SMAP2: variants seen among roughly 807,000 people sequenced by gnomAD.
The protein encoded by SMAP2 is small ArfGAP2, also known as stromal membrane-associated protein 2.
SMAP2 carries 25 observed loss-of-function variants against 56.4 expected under a neutral mutation model. The ratio of observed to expected loss-of-function variants is 0.44; its 90% CI spans 0.32 to 0.62. SMAP2 has a LOEUF of 0.62. SMAP2 is among the 20% of genes least tolerant of loss of function. SMAP2 has a pLI of 0.04. For synonymous variants in SMAP2, 157 were observed against 181.7 expected (o/e 0.86, Z 1.09); for missense variants, 388 against 545.6 (o/e 0.71, Z 2.88).
intron 1 of SMAP2, among the ~76,000 whole-genome samples, chr1:40,390,328 C>T (rs1362409970): frequency 1.3e-5 from 2 of 152,194 alleles, no homozygotes; most frequent in Non-Finnish European, 2.9e-5. Flanking sequence ...GGGACTTCTC[C>T]AATGTGTTAG....
chr1:40,354,995 G>T lies in SMAP2; in HGVS notation c.-82-7305G>T, dbSNP rs187197016. The stretch of plus-strand genomic sequence containing the variant: ...GAGGGGGTTTCACCATGTTTGTCAG[G>T]CTGGTCTCAAACTCCTGGCCTCAAG... On this transcript the variant is annotated intron_variant, in intron 1 of 6. Transcript: ENST00000435168. Among the ~76,000 whole-genome samples the T allele has an allele frequency of 5.5e-3, 828 of 151,590 alleles. 9 individuals are homozygous for T. Among genetic ancestry groups the T allele is most frequent in the African/African-American group, 0.019 (795 of 41,314 alleles).
At chr1:40,411,530 C>G (rs1410451845) in intron 4 of SMAP2, among the ~76,000 whole-genome samples, 1 of 152,174 alleles carries the variant, frequency 6.6e-6, no homozygotes, top group Non-Finnish European at 1.5e-5. Context: ...TGAAAGCAAG[C>G]CCGGTTACCG....
intron 1 of SMAP2, among the ~76,000 whole-genome samples, chr1:40,345,966 CTTTTTTTTTT>C (rs71060369): frequency 4.2e-4 from 15 of 35,342 alleles, no homozygotes; most frequent in Middle Eastern, 0.036. Context: ...ATTTCTATCA[CTTTTTTTTTT>C]TTTTTTTTTT....
At chr1:40,364,890 C>G (rs1644475354) in intron 2 of SMAP2, 1 of 216,064 alleles carries the variant, frequency 4.6e-6, no homozygotes, top group South Asian at 8.4e-5. Flanking sequence ...TCAAGCAGAT[C>G]CCATGAATCC....
intron 7 of SMAP2, 109 bp from the exon 8 acceptor site, chr1:40,416,067 C>A: frequency 9.8e-7 from 1 of 1,024,672 alleles, no homozygotes; most frequent in Non-Finnish European, 1.4e-6. Context: ...TTAACTTGAG[C>A]CATGAATTCT....
intron 1 of SMAP2, among the ~76,000 whole-genome samples, chr1:40,347,028 A>G (rs1028370985): frequency 6.1e-5 from 9 of 148,622 alleles, no homozygotes; most frequent in African/African-American, 1.7e-4. Flanking sequence ...AAATCTATTT[A>G]TTTATTTATT....
upstream of SMAP2, among the ~76,000 whole-genome samples, chr1:40,372,642 C>T (rs973021834): frequency 1.3e-5 from 2 of 152,064 alleles, no homozygotes; most frequent in African/African-American, 2.4e-5. Flanking sequence ...TTTAGTTTTC[C>T]TCTGATGAGA....
rs547813871 is a variant in SMAP2, at chr1:40,388,875, C to A, written c.103+14652C>A. 2.6e-5 allele frequency among the ~76,000 whole-genome samples: 4 copies of A among 152,298 alleles called. No individual in the cohort carries two copies. In the South Asian group the frequency reaches 8.3e-4, roughly 32 times the overall value. ...CACTCACCGCGAAGGTCTGCAGCTT[C>A]ACTCCTGAAGCCAGCGAGACCACGA... On this transcript the variant is annotated intron_variant, in intron 1 of 9. Coordinates refer to ENST00000372718, the MANE Select transcript of SMAP2 (RefSeq NM_022733.3).
At chr1:40,401,940 A>G (rs1569892265) in intron 1 of SMAP2, among the ~76,000 whole-genome samples, 1 of 152,038 alleles carries the variant, frequency 6.6e-6, no homozygotes, top group South Asian at 2.1e-4. Flanking sequence ...GAGTGATTCT[A>G]TGTTAGTTTT....
chr1:40,403,953 C>G (rs1245324509), intron 1 of SMAP2, among the ~76,000 whole-genome samples: 1 of 152,112 alleles, frequency 6.6e-6, no homozygotes, highest in South Asian at 2.1e-4. Flanking sequence ...AAAAAATTAG[C>G]TGGGCATGGT....
intron 1 of SMAP2, among the ~76,000 whole-genome samples, chr1:40,352,278 C>A (rs1009898555): frequency 1.3e-5 from 2 of 152,132 alleles, no homozygotes; most frequent in African/African-American, 4.8e-5. Flanking sequence ...GCACAGCATA[C>A]AAGGCCTTTC....
chr1:40,374,315 G>C lies in SMAP2; in HGVS notation c.103+92G>C. 2.8e-6 allele frequency: 3 copies of C among 1,057,556 alleles called. No homozygotes were observed. Among genetic ancestry groups the C allele is most frequent in the Non-Finnish European group, 4.3e-6 (3 of 698,344 alleles). 65.5% of individuals were successfully genotyped at this position (1,057,556 alleles called of 1,614,324 possible). On this transcript the variant is annotated intron_variant, in intron 1 of 9. Transcript: ENST00000372718. The surrounding 1 kb of genome is among the most constrained non-coding windows in gnomAD (Gnocchi z 5.9). Reference sequence around the variant, plus strand: ...AGAGGCGGTTTCTGAAGCTTAGGCCGCCCAACTCGGCTTATAAGTGGTAAC... The same window carrying C: ...AGAGGCGGTTTCTGAAGCTTAGGCCCCCCAACTCGGCTTATAAGTGGTAAC...
At chr1:40,407,822 A>T (rs1033092672) in intron 2 of SMAP2, among the ~76,000 whole-genome samples, 4 of 152,224 alleles carry the variant, frequency 2.6e-5, no homozygotes, top group Non-Finnish European at 5.9e-5. Flanking sequence ...GCTGGAATGC[A>T]TACATGAATC....
At chr1:40,353,423 C>CA (rs1644418384) in intron 1 of SMAP2, among the ~76,000 whole-genome samples, 1 of 152,168 alleles carries the variant, frequency 6.6e-6, no homozygotes, top group Non-Finnish European at 1.5e-5. Context: ...GGCTGGAGTG[C>CA]AATGGCATGA....
intron 1 of SMAP2, among the ~76,000 whole-genome samples, chr1:40,394,480 A>G (rs1366570475): frequency 6.6e-6 from 1 of 152,142 alleles, no homozygotes; most frequent in Non-Finnish European, 1.5e-5. Flanking sequence ...AACGGAAGCA[A>G]CTGGGGGCTT....
intron 1 of SMAP2, among the ~76,000 whole-genome samples, chr1:40,348,248 A>T (rs1242141680): frequency 6.6e-6 from 1 of 152,216 alleles, no homozygotes; most frequent in Non-Finnish European, 1.5e-5. Flanking sequence ...AGAGTACACA[A>T]TATTCTAAGG....
intron 1 of SMAP2, among the ~76,000 whole-genome samples, chr1:40,402,826 G>C (rs1025115348): frequency 1.3e-5 from 2 of 152,160 alleles, no homozygotes; most frequent in African/African-American, 4.8e-5. Context: ...AGGTCATTAT[G>C]TTAAGTGAAA....
rs146954368 is a variant in SMAP2 at position 40,403,028 on chromosome 1, G to A, written c.104-3708G>A. On this transcript the variant is annotated intron_variant, in intron 1 of 9. Coordinates refer to ENST00000372718, the MANE Select transcript of SMAP2 (RefSeq NM_022733.3). ...GGTGGGGGTGTGTAGCAGAGAAAGG[G>A]AACAGGTGAGGGTTTAAAAAGTGCA... Among the ~76,000 whole-genome samples the A allele has an allele frequency of 5.8e-3, 883 of 152,216 alleles. 6 individuals carry two copies. Among genetic ancestry groups the A allele is most frequent in the Non-Finnish European group, 8.2e-3 (557 of 68,014 alleles).
intron 1 of SMAP2, among the ~76,000 whole-genome samples, chr1:40,403,993 G>C (rs531281101): frequency 6.6e-6 from 1 of 152,230 alleles, no homozygotes; most frequent in East Asian, 1.9e-4. Flanking sequence ...AGCTACATGG[G>C]AGGCTGAGGT....
Sources: gnomAD v4.1 joint callset for allele counts (sites outside exome capture counted in the v4.1 genomes callset) on GRCh38, gnomAD v4.1.1 for gene constraint, Gnocchi (gnomAD v3.1) non-coding constraint, MANE v1.5 for transcripts, NCBI Gene and HGNC (gene_info 2026-07-23, HGNC 2026-07-21) for gene names.